Variants in NRXN3 observed in about 807,000 individuals in gnomAD.
NRXN3 encodes neurexin III.
In NRXN3, 32 loss-of-function variants were observed where a neutral mutation model predicts 137.6. The ratio of observed to expected loss-of-function variants is 0.23; its 90% CI spans 0.18 to 0.31. The LOEUF (loss-of-function observed/expected upper bound fraction) is 0.31. NRXN3 is among the 10% of genes least tolerant of loss of function. NRXN3 has a pLI of 1.00. For missense variants in NRXN3, 1,574 were observed against 2,062.5 expected (o/e 0.76, Z 4.59); for synonymous variants, 798 against 784.5 (o/e 1.02, Z -0.29).
At chr14:78,199,893 C>T (rs2061530821) in intron 1 of NRXN3, among the ~76,000 whole-genome samples, 1 of 152,202 alleles carries the variant, frequency 6.6e-6, no homozygotes, top group African/African-American at 2.4e-5. Flanking sequence ...AGGAGTGGCT[C>T]TCCCCCTGCA....
chr14:79,238,956 T>C (rs1181030947), intron 15 of NRXN3, among the ~76,000 whole-genome samples: 2 of 152,106 alleles, frequency 1.3e-5, no homozygotes, highest in Non-Finnish European at 2.9e-5. Flanking sequence ...CCAGGCCCTA[T>C]TGGATGCCAA....
chr14:78,821,299 G>A (rs1379597902), intron 10 of NRXN3, among the ~76,000 whole-genome samples: 2 of 152,158 alleles, frequency 1.3e-5, no homozygotes, highest in East Asian at 1.9e-4. Context: ...ATAAACAGAG[G>A]GCTGCTCCTC....
At chr14:78,561,031 T>A (rs2096781700) in intron 4 of NRXN3, among the ~76,000 whole-genome samples, 1 of 152,194 alleles carries the variant, frequency 6.6e-6, no homozygotes, top group Non-Finnish European at 1.5e-5. Context: ...TTTAGTGACT[T>A]AGAACAGCAT....
At position 79,663,858 on chromosome 14, in the gene NRXN3, C is replaced by T. The variant is rs144173846; in HGVS notation, c.3525C>T (p.Asp1175=). ...SIKEERTPVN[D]GKYHVVRFTR... is the part of the protein sequence containing the mutation. ...AAGAGGAGAGAACCCCTGTAAATGA[C>T]GGCAAATACCATGTGGTACGCTTCA... The change falls in exon 17 of 21, where the codon GAC becomes GAT. Residue 1175 remains aspartate (D), a synonymous_variant. Coordinates refer to ENST00000335750, the MANE Select transcript of NRXN3 (RefSeq NM_001330195.2). 149 of 1,613,524 alleles carry T rather than the reference C, an allele frequency of 9.2e-5. 1 individual carries two copies. The highest frequency in any genetic ancestry group is 8.1e-4 in the African/African-American group (61 of 75,006).
chr14:78,481,654 G>A (rs560324364), intron 4 of NRXN3, among the ~76,000 whole-genome samples: 31 of 152,178 alleles, frequency 2.0e-4, no homozygotes, highest in South Asian at 1.9e-3. Context: ...TATTCTTTAT[G>A]GAAAATCACA....
At chr14:79,853,521 C>T (rs1603619891) in intron 20 of NRXN3, 1 of 1,341,604 alleles carries the variant, frequency 7.5e-7, no homozygotes, top group South Asian at 1.2e-5. Flanking sequence ...TTGTATATTG[C>T]CCATCCCTTC....
intron 16 of NRXN3, among the ~76,000 whole-genome samples, chr14:79,597,246 T>A (rs1440156233): frequency 2.0e-5 from 3 of 152,196 alleles, no homozygotes; most frequent in Non-Finnish European, 4.4e-5. Context: ...GAAAAATTAT[T>A]TTTCAGCCTT....
chr14:79,736,034 A>T (rs2098940646), intron 19 of NRXN3, among the ~76,000 whole-genome samples: 1 of 152,178 alleles, frequency 6.6e-6, no homozygotes, highest in Non-Finnish European at 1.5e-5. Context: ...CAGGGCATTG[A>T]GAAATTTTGC....
At chr14:78,920,856 G>A (rs1272044477) in intron 10 of NRXN3, among the ~76,000 whole-genome samples, 2 of 152,202 alleles carry the variant, frequency 1.3e-5, no homozygotes, top group East Asian at 1.9e-4. Context: ...AGGACCCAGA[G>A]CATAGATGCC....
intron 4 of NRXN3, among the ~76,000 whole-genome samples, chr14:78,508,706 T>C (rs925955052): frequency 9.9e-5 from 15 of 152,126 alleles, no homozygotes; most frequent in African/African-American, 3.4e-4. Context: ...CTGCCCTAAA[T>C]GTATCAAAAG....
At chr14:79,559,847 A>C (rs2097472136) in intron 16 of NRXN3, among the ~76,000 whole-genome samples, 1 of 152,108 alleles carries the variant, frequency 6.6e-6, no homozygotes. Flanking sequence ...TTGTAGTCAG[A>C]GGGCTATTGT....
At chr14:78,872,445 A>C (rs1368004275) in intron 10 of NRXN3, among the ~76,000 whole-genome samples, 1 of 151,406 alleles carries the variant, frequency 6.6e-6, no homozygotes, top group Non-Finnish European at 1.5e-5. Flanking sequence ...TATTCTCTGC[A>C]TTGTATCTCT....
intron 8 of NRXN3, among the ~76,000 whole-genome samples, chr14:78,774,009 C>T (rs1337476467): frequency 6.6e-6 from 1 of 152,144 alleles, no homozygotes; most frequent in East Asian, 1.9e-4. Flanking sequence ...ACCACGTTGG[C>T]CAAGATGGTC....
chr14:78,233,503 C>A (rs2153440822), intron 1 of NRXN3, among the ~76,000 whole-genome samples: 1 of 152,158 alleles, frequency 6.6e-6, no homozygotes, highest in East Asian at 1.9e-4. Context: ...GACATAGAAC[C>A]CCTAAAGATG....
intron 20 of NRXN3, among the ~76,000 whole-genome samples, chr14:79,860,073 T>A (rs2099411106): frequency 6.6e-6 from 1 of 152,204 alleles, no homozygotes; most frequent in South Asian, 2.1e-4. Context: ...GTACCCATGA[T>A]CTGCAAGGCC....
At chr14:79,458,299 G>A (rs1457143667) in intron 15 of NRXN3, among the ~76,000 whole-genome samples, 2 of 152,136 alleles carry the variant, frequency 1.3e-5, no homozygotes, top group East Asian at 3.8e-4. Flanking sequence ...TTTGTGGTTA[G>A]GTTTCTTTTA....
intron 6 of NRXN3, among the ~76,000 whole-genome samples, chr14:78,654,006 C>T (rs1054451477): frequency 6.6e-6 from 1 of 152,136 alleles, no homozygotes; most frequent in African/African-American, 2.4e-5. Flanking sequence ...GTCTGTTTTC[C>T]CTGTACAGCG....
At chr14:78,277,358 G>C (rs1192272228) in intron 2 of NRXN3, among the ~76,000 whole-genome samples, 1 of 152,166 alleles carries the variant, frequency 6.6e-6, no homozygotes, top group Non-Finnish European at 1.5e-5. Flanking sequence ...CATGGCTTCA[G>C]CATGATCACT....
At chr14:79,675,218 C>T (rs1198544481) in intron 17 of NRXN3, among the ~76,000 whole-genome samples, 1 of 151,882 alleles carries the variant, frequency 6.6e-6, no homozygotes, top group Non-Finnish European at 1.5e-5. Context: ...GGCCAAATAA[C>T]AAGTAGCATA....
Sources: gnomAD v4.1 joint callset for allele counts (sites outside exome capture counted in the v4.1 genomes callset) on GRCh38, gnomAD v4.1.1 for gene constraint, MANE v1.5 for transcripts, NCBI Gene and HGNC (gene_info 2026-07-23, HGNC 2026-07-21) for gene names.